The following CLASP2 variants were observed in gnomAD, a reference collection of about 807,000 sequenced individuals.
CLASP2 encodes cytoplasmic linker associated protein 2.
Under a neutral mutation model 194.4 loss-of-function variants are expected in CLASP2, and 47 were observed. The ratio of observed to expected loss-of-function variants is 0.24; its 90% CI spans 0.19 to 0.31. The LOEUF is 0.31. CLASP2 is among the 10% of genes least tolerant of loss of function. The pLI, the probability that CLASP2 is intolerant of heterozygous loss-of-function variation, is 1.00. For missense variants in CLASP2, 1,445 were observed against 1,823.6 expected (o/e 0.79, Z 3.78); for synonymous variants, 619 against 633.5 (o/e 0.98, Z 0.34).
chr3:33,516,449 C>T (rs1269048121), intron 35 of CLASP2, among the ~76,000 whole-genome samples: 4 of 152,134 alleles, frequency 2.6e-5, no homozygotes, highest in Non-Finnish European at 5.9e-5. Context: ...GGGTGGATCA[C>T]TTGAGTTCAG....
rs537645097 is a variant in CLASP2, at chr3:33,646,022, G to A, written c.716-1119C>T. Among the ~76,000 whole-genome samples, 28 of 150,466 alleles carry A rather than the reference G, an allele frequency of 1.9e-4. No individual in the cohort carries two copies. The South Asian group carries it at 5.7e-3, about 31-fold the overall frequency. ...AAGAGATGGTTTTCTCTAGGACCCT[G>A]CACAAATCAACCATGACAAACAACA... On this transcript the variant is annotated intron_variant, in intron 7 of 38. Coordinates refer to ENST00000682230, the MANE Select transcript of CLASP2 (RefSeq NM_001365631.1).
intron 30 of CLASP2, among the ~76,000 whole-genome samples, chr3:33,549,998 TG>T (rs1177404089): frequency 6.6e-6 from 1 of 152,142 alleles, no homozygotes; most frequent in Non-Finnish European, 1.5e-5. Context: ...CAGCCTACCA[TG>T]TTGAGATTAC....
At chr3:33,596,801 T>C in intron 18 of CLASP2, 67 bp from the exon 19 acceptor site, 2 of 1,267,952 alleles carry the variant, frequency 1.6e-6, no homozygotes, top group South Asian at 1.4e-5. Context: ...ATTTTTATAA[T>C]TCCTAGAAAA....
chr3:33,624,431 GA>G (rs1423606854), intron 10 of CLASP2, among the ~76,000 whole-genome samples: 1 of 151,934 alleles, frequency 6.6e-6, no homozygotes, highest in Non-Finnish European at 1.5e-5. Context: ...AATATGGTAG[GA>G]TAAAATTACC....
At chr3:33,551,018 G>A (rs113418596) in intron 30 of CLASP2, among the ~76,000 whole-genome samples, 4 of 152,210 alleles carry the variant, frequency 2.6e-5, no homozygotes, top group Middle Eastern at 3.2e-3. Context: ...TCCGAATGGT[G>A]ATAAAATTAG....
chr3:33,531,716 AG>A (rs1166104112), intron 34 of CLASP2, among the ~76,000 whole-genome samples: 2 of 152,178 alleles, frequency 1.3e-5, no homozygotes, highest in Non-Finnish European at 2.9e-5. Flanking sequence ...TGGAGGTTGC[AG>A]TGAGCCAAGA....
chr3:33,549,139 T>A (rs2059614264), intron 30 of CLASP2, among the ~76,000 whole-genome samples: 1 of 152,208 alleles, frequency 6.6e-6, no homozygotes, highest in African/African-American at 2.4e-5. Context: ...TACCCTGATA[T>A]GTTTAGCTAA....
At chr3:33,650,789 A>G (rs1350749809) in intron 7 of CLASP2, among the ~76,000 whole-genome samples, 1 of 152,120 alleles carries the variant, frequency 6.6e-6, no homozygotes, top group Non-Finnish European at 1.5e-5. Context: ...AGAAGGGGAC[A>G]AACAGGCAGA....
At chr3:33,630,226 C>T (rs936287337) in intron 9 of CLASP2, among the ~76,000 whole-genome samples, 6 of 152,164 alleles carry the variant, frequency 3.9e-5, no homozygotes, top group African/African-American at 1.4e-4. Context: ...TTCATCTGTA[C>T]TGTCATAGCC....
intron 9 of CLASP2, among the ~76,000 whole-genome samples, chr3:33,630,115 G>T (rs1391717927): frequency 6.6e-6 from 1 of 152,082 alleles, no homozygotes; most frequent in Non-Finnish European, 1.5e-5. Flanking sequence ...CTATGAACTG[G>T]GTAGCTACAG....
intron 34 of CLASP2, among the ~76,000 whole-genome samples, chr3:33,530,479 T>C (rs1439205805): frequency 1.3e-5 from 2 of 152,020 alleles, no homozygotes; most frequent in African/African-American, 2.4e-5. Context: ...CAAAAATAAA[T>C]AAACAAATAA....
At chr3:33,499,759 G>A (rs1162432838) in intron 38 of CLASP2, among the ~76,000 whole-genome samples, 3 of 152,104 alleles carry the variant, frequency 2.0e-5, no homozygotes, top group South Asian at 2.1e-4. Flanking sequence ...GGTGTTACAC[G>A]ATATGCTGTT....
At chr3:33,514,517 T>C (rs2050741921) in intron 36 of CLASP2, 1 of 164,706 alleles carries the variant, frequency 6.1e-6, no homozygotes, top group African/African-American at 2.4e-5. Context: ...TTTATCTCAC[T>C]GCTATTTTAA....
chr3:33,565,314 G>A (rs2062506631), intron 27 of CLASP2, among the ~76,000 whole-genome samples: 1 of 151,928 alleles, frequency 6.6e-6, no homozygotes, highest in Non-Finnish European at 1.5e-5. Flanking sequence ...GTGTAGGTAG[G>A]ATTACAGGCC....
In CLASP2 at chr3:33,498,588, T is replaced by C. The variant is rs748648284; in HGVS notation, c.*43A>G. On this transcript the variant is annotated 3_prime_UTR_variant, in exon 39 of 39. Transcript: ENST00000682230. The stretch of plus-strand genomic sequence containing the variant: ...CTTTCATTGATGAGGGTGGTCTATC[T>C]GTCCTTTCTTTTGAGAGACCTGGTT... 4 of 1,285,472 alleles carry C rather than the reference T, an allele frequency of 3.1e-6. No homozygotes were observed. The East Asian group carries it at 7.0e-5, about 22-fold the overall frequency. The allele number at this position is 1,285,472 out of a possible 1,614,324, so 79.6% of individuals were successfully genotyped here. A position where few individuals can be genotyped will look rare whatever the true frequency, so the allele number is the denominator to read the frequency against.
At chr3:33,549,756 TAAGA>T (rs2059700847) in intron 30 of CLASP2, among the ~76,000 whole-genome samples, 3 of 151,396 alleles carry the variant, frequency 2.0e-5, no homozygotes, top group Non-Finnish European at 2.9e-5. Context: ...TTTTTTTTTT[TAAGA>T]TAAGGTCTCA....
chr3:33,614,202 G>A (rs1162463475), intron 12 of CLASP2, among the ~76,000 whole-genome samples: 1 of 152,070 alleles, frequency 6.6e-6, no homozygotes. Context: ...TGAAAAATGA[G>A]CAATTTGAAA....
chr3:33,628,485 A>C (rs1200049470), intron 9 of CLASP2, among the ~76,000 whole-genome samples: 1 of 152,210 alleles, frequency 6.6e-6, no homozygotes, highest in Non-Finnish European at 1.5e-5. Context: ...GCATACAAGC[A>C]AAAGAAGCTT....
At chr3:33,657,152 G>A (rs1231267148) in intron 7 of CLASP2, among the ~76,000 whole-genome samples, 1 of 152,014 alleles carries the variant, frequency 6.6e-6, no homozygotes, top group Non-Finnish European at 1.5e-5. Context: ...CATCAGGTAG[G>A]GGCAGTATAA....
Sources: gnomAD v4.1 joint callset for allele counts (sites outside exome capture counted in the v4.1 genomes callset) on GRCh38, gnomAD v4.1.1 for gene constraint, MANE v1.5 for transcripts, NCBI Gene and HGNC (gene_info 2026-07-23, HGNC 2026-07-21) for gene names.